The following PDE8A variants were observed in gnomAD, a reference collection of about 807,000 sequenced individuals.
The protein encoded by PDE8A is phosphodiesterase 8A.
PDE8A carries 59 observed loss-of-function variants against 105.0 expected under a neutral mutation model. That is an observed-to-expected ratio of 0.56 (90% CI 0.46 to 0.70). PDE8A has a LOEUF of 0.70. PDE8A is among the 30% of genes least tolerant of loss of function. The probability of loss-of-function intolerance (pLI) is 0.00; values close to 1 mark genes in which losing one functional copy is unlikely to be tolerated. For missense variants in PDE8A, 1,014 were observed against 1,045.9 expected (o/e 0.97, Z 0.42); for synonymous variants, 355 against 371.9 (o/e 0.95, Z 0.52).
chr15:85,092,997 C>T (rs1025503704), intron 8 of PDE8A, among the ~76,000 whole-genome samples: 2 of 150,922 alleles, frequency 1.3e-5, no homozygotes, highest in Non-Finnish European at 2.9e-5. Flanking sequence ...CAGCCTTGAC[C>T]TCCTGGGCTC....
intron 1 of PDE8A, among the ~76,000 whole-genome samples, chr15:85,010,825 G>C (rs2080227490): frequency 1.3e-5 from 2 of 152,148 alleles, no homozygotes; most frequent in African/African-American, 4.8e-5. Flanking sequence ...GGAAAACTCA[G>C]CTGAAGGAGG....
intron 1 of PDE8A, among the ~76,000 whole-genome samples, chr15:84,986,387 T>C (rs982160383): frequency 1.3e-5 from 2 of 152,160 alleles, no homozygotes; most frequent in Non-Finnish European, 2.9e-5. Flanking sequence ...CCTTTGCTTC[T>C]GTCATTCACT....
chr15:85,085,176 C>CT (rs887605193), intron 6 of PDE8A, among the ~76,000 whole-genome samples: 7 of 152,214 alleles, frequency 4.6e-5, no homozygotes, highest in Admixed American at 2.6e-4. Context: ...CTGTACACTG[C>CT]TTACCTCTCT....
chr15:85,082,135 C>A (rs1009665240), intron 5 of PDE8A, among the ~76,000 whole-genome samples: 1 of 152,076 alleles, frequency 6.6e-6, no homozygotes, highest in Non-Finnish European at 1.5e-5. Context: ...TTTGGGTGTT[C>A]CCATGGGGTC....
At chr15:84,994,327 CT>C (rs1389485386) in intron 1 of PDE8A, among the ~76,000 whole-genome samples, 1 of 152,204 alleles carries the variant, frequency 6.6e-6, no homozygotes, top group East Asian at 1.9e-4. Context: ...ATTAAAAACA[CT>C]TTTTATTGAG....
At chr15:85,018,356 T>C (rs1260070587) in intron 1 of PDE8A, among the ~76,000 whole-genome samples, 1 of 152,196 alleles carries the variant, frequency 6.6e-6, no homozygotes, top group Non-Finnish European at 1.5e-5. Context: ...TTGAGGATTT[T>C]TTGTTGTTAA....
rs900372900 is a variant in PDE8A at position 85,116,131 on chromosome 15, C to T, written c.1535+12C>T. The T allele has an allele frequency of 1.9e-6, 3 of 1,613,096 alleles. No individual in the cohort carries two copies. In the African/African-American group the frequency reaches 4.0e-5, roughly 22 times the overall value. On this transcript the variant is annotated intron_variant, in intron 16 of 21. Coordinates refer to ENST00000394553, the MANE Select transcript of PDE8A (RefSeq NM_002605.3). ...GCCACCCACAATAGGTGAGTTCATG[C>T]AGAGCTCAGCAGCGGGAGAACTAGA...
At chr15:85,025,615 A>G (rs1361808169) in intron 1 of PDE8A, among the ~76,000 whole-genome samples, 1 of 152,160 alleles carries the variant, frequency 6.6e-6, no homozygotes, top group African/African-American at 2.4e-5. Flanking sequence ...CTAATCCTTA[A>G]CAGATTAATC....
intron 1 of PDE8A, among the ~76,000 whole-genome samples, chr15:84,984,689 C>A (rs1469069774): frequency 6.6e-6 from 1 of 152,086 alleles, no homozygotes; most frequent in Non-Finnish European, 1.5e-5. Flanking sequence ...TGCATGTGTT[C>A]TATGGAACAA....
At chr15:85,002,293 A>G (rs942377764) in intron 1 of PDE8A, among the ~76,000 whole-genome samples, 1 of 152,238 alleles carries the variant, frequency 6.6e-6, no homozygotes, top group Admixed American at 6.5e-5. Context: ...GGGATTGATG[A>G]TTTGCTAGAC....
At chr15:85,079,318 T>C (rs2081429227) in intron 5 of PDE8A, among the ~76,000 whole-genome samples, 2 of 152,240 alleles carry the variant, frequency 1.3e-5, no homozygotes, top group Admixed American at 6.5e-5. Context: ...TACAGACTTA[T>C]CTAAGAGGTA....
At chr15:85,014,498 A>G (rs1315353358) in intron 1 of PDE8A, among the ~76,000 whole-genome samples, 1 of 152,202 alleles carries the variant, frequency 6.6e-6, no homozygotes, top group African/African-American at 2.4e-5. Flanking sequence ...CATTTATTAT[A>G]CCAGTTTTCA....
chr15:85,067,607 G>A (rs1323403867), intron 3 of PDE8A, among the ~76,000 whole-genome samples: 3 of 152,164 alleles, frequency 2.0e-5, no homozygotes, highest in African/African-American at 7.2e-5. Context: ...AATATTATGA[G>A]AGAATTCTCT....
chr15:85,017,118 G>A (rs62021202), intron 1 of PDE8A, among the ~76,000 whole-genome samples: 1 of 151,366 alleles, frequency 6.6e-6, no homozygotes, highest in African/African-American at 2.4e-5. Context: ...AAAATTAGCC[G>A]GGCGCGGTGG....
rs147759879 is a variant in PDE8A at position 85,095,195 on chromosome 15, A to G, written c.853-2753A>G. ...GAGCTTGGCCTGGAGAAAGAGGCCT[A>G]TGCAAACCACCTGCACCCAAACCAG... On this transcript the variant is annotated intron_variant, in intron 8 of 21. Coordinates refer to ENST00000394553, the MANE Select transcript of PDE8A (RefSeq NM_002605.3). 2.1e-3 allele frequency among the ~76,000 whole-genome samples: 323 copies of G among 152,232 alleles called. 1 individual carries two copies. The highest frequency in any genetic ancestry group is 7.3e-3 in the African/African-American group (303 of 41,544).
At chr15:85,126,873 T>C (rs774016593) in intron 20 of PDE8A, among the ~76,000 whole-genome samples, 5 of 152,162 alleles carry the variant, frequency 3.3e-5, no homozygotes, top group Non-Finnish European at 7.4e-5. Context: ...ACATTACTTA[T>C]AAGAAAACAG....
intron 1 of PDE8A, among the ~76,000 whole-genome samples, chr15:85,035,490 G>A (rs1368474383): frequency 5.9e-5 from 9 of 152,122 alleles, no homozygotes; most frequent in South Asian, 2.1e-4. Flanking sequence ...GATTACAGGC[G>A]TGAGCCACCG....
rs187460655 is a variant in PDE8A at position 85,107,555 on chromosome 15, G to C, written c.1037-1498G>C. 1.2e-3 allele frequency among the ~76,000 whole-genome samples: 190 copies of C among 152,338 alleles called. 1 individual carries two copies. The highest frequency in any genetic ancestry group is 4.2e-3 in the Admixed American group (64 of 15,304). The stretch of plus-strand genomic sequence containing the variant: ...CAGGGGATAGACTGGAGGTGTTTAG[G>C]AGGTAGAATCCTTAGATTTGGCTGA... On this transcript the variant is annotated intron_variant, in intron 11 of 21. Transcript: ENST00000394553.
At chr15:85,066,989 A>C (rs1240042334) in intron 2 of PDE8A, 25 bp from the exon 3 acceptor site, 1 of 1,516,140 alleles carries the variant, frequency 6.6e-7, no homozygotes. Context: ...TTTTTAAAAA[A>C]AGTGTTTGTG....
Sources: gnomAD v4.1 joint callset for allele counts (sites outside exome capture counted in the v4.1 genomes callset) on GRCh38, gnomAD v4.1.1 for gene constraint, MANE v1.5 for transcripts, NCBI Gene and HGNC (gene_info 2026-07-23, HGNC 2026-07-21) for gene names.